Variants in CDYL2 observed in about 807,000 individuals in gnomAD.
CDYL2 encodes the protein chromodomain Y like 2, also known as chromodomain Y-like protein 2.
CDYL2 carries 23 observed loss-of-function variants against 49.4 expected under a neutral mutation model. The observed-to-expected ratio is 0.47, with a 90% CI of 0.34 to 0.66. The LOEUF (loss-of-function observed/expected upper bound fraction) is 0.66, where lower values mean the gene tolerates loss of function less well. Ranked by LOEUF, CDYL2 falls within the 30% of genes least tolerant of loss-of-function variation. The probability of loss-of-function intolerance (pLI) is 0.01; values close to 1 mark genes in which losing one functional copy is unlikely to be tolerated. For synonymous variants in CDYL2, 360 were observed against 268.8 expected (o/e 1.34, Z -3.32); for missense variants, 678 against 656.4 (o/e 1.03, Z -0.36).
At chr16:80,668,070 C>T (rs1909343771) in intron 2 of CDYL2, among the ~76,000 whole-genome samples, 1 of 152,214 alleles carries the variant, frequency 6.6e-6, no homozygotes, top group Admixed American at 6.5e-5. Context: ...CAAAGACTGG[C>T]CCTAGCCAGG....
intron 2 of CDYL2, among the ~76,000 whole-genome samples, chr16:80,666,869 T>C (rs1388339708): frequency 6.6e-6 from 1 of 152,212 alleles, no homozygotes; most frequent in East Asian, 1.9e-4. Context: ...ATTCATTTCT[T>C]AAGCACCTGC....
intron 1 of CDYL2, among the ~76,000 whole-genome samples, chr16:80,696,435 T>G (rs1910616282): frequency 6.6e-6 from 1 of 152,012 alleles, no homozygotes; most frequent in African/African-American, 2.4e-5. Context: ...CAATACAGTT[T>G]TTTTTAAATA....
intron 2 of CDYL2, among the ~76,000 whole-genome samples, chr16:80,646,805 C>A (rs1020509765): frequency 6.7e-6 from 1 of 149,882 alleles, no homozygotes; most frequent in Non-Finnish European, 1.5e-5. Context: ...ACAAACAAAA[C>A]AAAACAAAAC....
chr16:80,776,656 T>A (rs1358081473), intron 1 of CDYL2, among the ~76,000 whole-genome samples: 1 of 150,996 alleles, frequency 6.6e-6, no homozygotes, highest in Non-Finnish European at 1.5e-5. Context: ...CATTTGTATA[T>A]TCTTATAATG....
At chr16:80,792,049 A>G (rs1252587384) in intron 1 of CDYL2, among the ~76,000 whole-genome samples, 4 of 152,178 alleles carry the variant, frequency 2.6e-5, no homozygotes, top group African/African-American at 9.7e-5. Context: ...CATCTGCGCA[A>G]AACAAAGGAG....
chr16:80,662,737 ACT>A (rs1158032409), intron 2 of CDYL2: 1 of 455,920 alleles, frequency 2.2e-6, no homozygotes, highest in Non-Finnish European at 4.4e-6. Context: ...TTGAAATATA[ACT>A]CTAACCACCT....
chr16:80,693,151 G>C (rs1037850510), intron 1 of CDYL2, among the ~76,000 whole-genome samples: 3 of 152,020 alleles, frequency 2.0e-5, no homozygotes, highest in African/African-American at 7.3e-5. Flanking sequence ...GTGGGGGTGA[G>C]AGTGATTGCA....
chr16:80,718,570 A>G lies in CDYL2; in HGVS notation c.25-33441T>C, dbSNP rs539608174. 3.1e-4 allele frequency among the ~76,000 whole-genome samples: 47 copies of G among 152,314 alleles called. No homozygotes were observed. The South Asian group carries it at 9.5e-3, about 31-fold the overall frequency. The stretch of plus-strand genomic sequence containing the variant: ...AACAGAGCTGATTTACTGCTCCGTG[A>G]CAAGGCAAGCTGGATGGCAGCCAGG... On this transcript the variant is annotated intron_variant, in intron 1 of 6. Coordinates refer to ENST00000570137, the MANE Select transcript of CDYL2 (RefSeq NM_152342.4).
chr16:80,765,364 G>C (rs1906684631), intron 1 of CDYL2, among the ~76,000 whole-genome samples: 1 of 151,576 alleles, frequency 6.6e-6, no homozygotes, highest in Admixed American at 6.6e-5. Context: ...AAAACTGTAA[G>C]AACAATTCTT....
chr16:80,682,304 A>G (rs919227244), intron 2 of CDYL2, among the ~76,000 whole-genome samples: 3 of 152,182 alleles, frequency 2.0e-5, no homozygotes, highest in African/African-American at 7.2e-5. Context: ...AAGATAAGAG[A>G]TCAGAGAGAC....
intron 1 of CDYL2, among the ~76,000 whole-genome samples, chr16:80,748,059 A>G (rs1386673201): frequency 6.6e-6 from 1 of 151,600 alleles, no homozygotes; most frequent in East Asian, 1.9e-4. Flanking sequence ...AGAATGTTAC[A>G]CACAGAGAAC....
At chr16:80,707,420 C>T (rs771890654) in intron 1 of CDYL2, among the ~76,000 whole-genome samples, 15 of 152,068 alleles carry the variant, frequency 9.9e-5, no homozygotes, top group Non-Finnish European at 1.9e-4. Context: ...ACGATCGTAC[C>T]ACTGCACTCC....
intron 1 of CDYL2, among the ~76,000 whole-genome samples, chr16:80,737,862 G>T (rs1905591708): frequency 1.3e-5 from 2 of 151,440 alleles, no homozygotes; most frequent in African/African-American, 4.8e-5. Flanking sequence ...TTAGGGACTG[G>T]TTGTTGTTGT....
chr16:80,716,968 G>A (rs1272822622), intron 1 of CDYL2, among the ~76,000 whole-genome samples: 1 of 150,742 alleles, frequency 6.6e-6, no homozygotes, highest in Non-Finnish European at 1.5e-5. Flanking sequence ...GCAGATGGAT[G>A]AGTGGATAGA....
At chr16:80,759,839 A>G (rs80109565) in intron 1 of CDYL2, among the ~76,000 whole-genome samples, 2,159 of 152,230 alleles carry the variant, frequency 0.014, 23 homozygotes, top group Non-Finnish European at 0.02. Context: ...TACCAGGGGA[A>G]TTCTAAGATT....
chr16:80,758,850 C>A (rs1906413019), intron 1 of CDYL2, among the ~76,000 whole-genome samples: 1 of 151,726 alleles, frequency 6.6e-6, no homozygotes, highest in South Asian at 2.1e-4. Flanking sequence ...CCTGCTGCAG[C>A]ACTTCTAATC....
intron 1 of CDYL2, among the ~76,000 whole-genome samples, chr16:80,800,651 C>T (rs1453950794): frequency 6.6e-6 from 1 of 152,008 alleles, no homozygotes; most frequent in East Asian, 1.9e-4. Flanking sequence ...TTTACCACCA[C>T]CAAGAGGCCA....
chr16:80,719,441 C>T (rs1904923692), intron 1 of CDYL2, among the ~76,000 whole-genome samples: 1 of 122,094 alleles, frequency 8.2e-6, no homozygotes, highest in Non-Finnish European at 2.1e-5. Context: ...CCAGGATCAT[C>T]ATGATCTTCA....
At chr16:80,674,939 G>A (rs16953804) in intron 2 of CDYL2, among the ~76,000 whole-genome samples, 1 of 152,134 alleles carries the variant, frequency 6.6e-6, no homozygotes, top group Non-Finnish European at 1.5e-5. Flanking sequence ...GTGTATATAT[G>A]ATGTGTGCAT....
Sources: allele counts gnomAD v4.1 joint callset (sites outside exome capture counted in the v4.1 genomes callset), GRCh38; gene constraint gnomAD v4.1.1; transcripts MANE v1.5; gene names NCBI Gene and HGNC (gene_info 2026-07-23, HGNC 2026-07-21).